Variants in ATIC observed in about 807,000 individuals in gnomAD.
ATIC encodes 5-aminoimidazole-4-carboxamide ribonucleotide formyltransferase/IMP cyclohydrolase, also known as bifunctional purine biosynthesis protein ATIC.
Under a neutral mutation model 72.5 loss-of-function variants are expected in ATIC, and 64 were observed. The ratio of observed to expected loss-of-function variants is 0.88; its 90% CI spans 0.72 to 1.09. ATIC has a LOEUF of 1.09. ATIC is among the 50% of genes least tolerant of loss of function. The pLI is 0.00. For missense variants in ATIC, 787 were observed against 732.4 expected, an observed-to-expected ratio of 1.07 and a Z score of -0.86; for synonymous variants, 281 against 267.1, an observed-to-expected ratio of 1.05 and a Z score of -0.51.
At position 215,326,878 on chromosome 2, in the gene ATIC, G is replaced by A. The variant is rs2052833661; in HGVS notation, c.588G>A (p.Gln196=). 6.2e-7 allele frequency: 1 copy of A among 1,614,022 alleles called. No individual in the cohort carries two copies. The change falls in exon 7 of 16, where the codon CAG becomes CAA. Residue 196 remains glutamine (Q), a synonymous_variant. Coordinates refer to ENST00000236959, the MANE Select transcript of ATIC (RefSeq NM_004044.7). ...CAATTTCAGATTATTTCAGGAAACA[G>A]TACAGCAAAGGCGTATCTCAGATGC... The part of the protein sequence containing the change: ...DEAISDYFRK[Q]YSKGVSQMPL...
intron 1 of ATIC, 79 bp from the exon 2 acceptor site, chr2:215,312,419 T>A (rs1575110845): frequency 6.2e-7 from 1 of 1,609,884 alleles, no homozygotes; most frequent in East Asian, 2.2e-5. Flanking sequence ...GAGAATCTCC[T>A]CCCCCAGACC....
In ATIC at chr2:215,336,082, A is replaced by G. The variant is rs1429025593; in HGVS notation, c.1056A>G (p.Thr352=). The G allele has an allele frequency of 1.9e-6, 3 of 1,613,266 alleles. No homozygotes were observed. The highest frequency in any genetic ancestry group is 1.6e-4 in the Middle Eastern group (1 of 6,082). The change falls in exon 11 of 16, where the codon ACA becomes ACG. Residue 352 remains threonine, a synonymous_variant. Transcript: ENST00000236959. ...CAGGATATGAAGAAGAAGCCTTGACAATACTTTCCAAAAAGAAAAATGGAA... is the reference window on the plus strand; with the variant it reads ...CAGGATATGAAGAAGAAGCCTTGACGATACTTTCCAAAAAGAAAAATGGAA... ...IAPGYEEEAL[T]ILSKKKNGNY...
chr2:215,313,939 T>G (rs1186804893), intron 2 of ATIC, among the ~76,000 whole-genome samples: 1 of 152,160 alleles, frequency 6.6e-6, no homozygotes. Context: ...CCAAGTTGGG[T>G]CCTCCTATGG....
chr2:215,349,867 T>A, downstream of ATIC: 1 of 842,278 alleles, frequency 1.2e-6, no homozygotes, highest in South Asian at 1.7e-5. Context: ...CACCCCTGCC[T>A]ACCGGAGCTC....
chr2:215,365,933 G>A, the ATIC span, among the ~76,000 whole-genome samples: 756 of 147,872 alleles, frequency 5.1e-3, 6 homozygotes, highest in African/African-American at 0.018. Flanking sequence ...AGCCTCCTGA[G>A]TAGCTGGGAT....
At chr2:215,335,136 G>T in intron 10 of ATIC, 132 bp downstream of exon 10, 1 of 470,276 alleles carries the variant, frequency 2.1e-6, no homozygotes, top group East Asian at 4.1e-5. Context: ...ATCATTTAAT[G>T]TTCATATTTT....
chr2:215,351,365 A>G (rs1244318218), downstream of ATIC, among the ~76,000 whole-genome samples: 2 of 152,234 alleles, frequency 1.3e-5, no homozygotes, highest in Non-Finnish European at 2.9e-5. Flanking sequence ...TGGGGTAATT[A>G]TGTAGCAGTA....
At chr2:215,314,307 A>G (rs369845374) in intron 2 of ATIC, among the ~76,000 whole-genome samples, 29 of 152,348 alleles carry the variant, frequency 1.9e-4, no homozygotes, top group African/African-American at 6.3e-4. Context: ...TTTTTTCTTC[A>G]ACAAAGGCCA....
the ATIC span, among the ~76,000 whole-genome samples, chr2:215,357,042 C>A: frequency 6.6e-6 from 1 of 152,180 alleles, no homozygotes; most frequent in Non-Finnish European, 1.5e-5. Context: ...TTTACATTTC[C>A]ACCAGCGATG....
chr2:215,367,252 TA>T, the ATIC span, among the ~76,000 whole-genome samples: 3 of 152,332 alleles, frequency 2.0e-5, 1 homozygote, highest in African/African-American at 7.2e-5. Flanking sequence ...CATTTTAACT[TA>T]AAAAATTTGA....
the ATIC span, among the ~76,000 whole-genome samples, chr2:215,356,937 C>T: frequency 1.3e-5 from 2 of 152,038 alleles, no homozygotes; most frequent in Middle Eastern, 3.2e-3. Flanking sequence ...TCTGTTCTCT[C>T]GAGTATATAT....
chr2:215,342,239 G>A (rs16853830), intron 12 of ATIC, among the ~76,000 whole-genome samples: 5,503 of 152,270 alleles, frequency 0.036, 319 homozygotes, highest in African/African-American at 0.12. Context: ...CTGGGAACCA[G>A]AGGAATCAGA....
intron 9 of ATIC, among the ~76,000 whole-genome samples, chr2:215,334,118 C>G (rs1321943396): frequency 6.7e-6 from 1 of 149,614 alleles, no homozygotes; most frequent in Non-Finnish European, 1.5e-5. Flanking sequence ...TGTAATTTTG[C>G]TAATTTAGGC....
At chr2:215,341,271 A>T (rs2053015873) in intron 12 of ATIC, among the ~76,000 whole-genome samples, 1 of 152,208 alleles carries the variant, frequency 6.6e-6, no homozygotes, top group Non-Finnish European at 1.5e-5. Context: ...TGGTTGGTTC[A>T]TGTACTTTGA....
At chr2:215,333,612 G>A (rs1330188875) in intron 9 of ATIC, among the ~76,000 whole-genome samples, 155 bp downstream of exon 9, 1 of 152,036 alleles carries the variant, frequency 6.6e-6, no homozygotes, top group Non-Finnish European at 1.5e-5. Flanking sequence ...TAAATATACA[G>A]TTATTCTATA....
the ATIC span, chr2:215,362,229 T>C: frequency 2.9e-6 from 2 of 683,508 alleles, no homozygotes; most frequent in Middle Eastern, 3.2e-4. Flanking sequence ...GATGATTTCA[T>C]GCATTTATAA....
At chr2:215,341,114 A>C (rs2053014221) in intron 12 of ATIC, among the ~76,000 whole-genome samples, 1 of 152,218 alleles carries the variant, frequency 6.6e-6, no homozygotes, top group South Asian at 2.1e-4. Flanking sequence ...CTGTCTGTTG[A>C]TAAGCATACG....
Position 215,333,432 on chromosome 2 carries a change from C to T in ATIC, c.897C>T (p.Ile299=). 6.2e-7 allele frequency: 1 copy of T among 1,614,088 alleles called. No individual in the cohort carries two copies. Among genetic ancestry groups the T allele is most frequent in the Non-Finnish European group, 8.5e-7 (1 of 1,179,996 alleles). The change falls in exon 9 of 16, where the codon ATC becomes ATT. Residue 299 remains isoleucine, a synonymous_variant. Coordinates refer to ENST00000236959, the MANE Select transcript of ATIC (RefSeq NM_004044.7). ...VYDLYKTLTP[I]SAAYARARGA... ...ATCTCTATAAAACCCTCACACCCAT[C>T]TCAGCGGCATATGCAAGAGCAAGAG...
In ATIC at chr2:215,315,150, A is replaced by G. The variant is rs115935465; in HGVS notation, c.146+2526A>G. Among the ~76,000 whole-genome samples, 824 of 152,316 alleles carry G rather than the reference A, an allele frequency of 5.4e-3. 4 individuals are homozygous for G. The highest frequency in any genetic ancestry group is 8.5e-3 in the Non-Finnish European group (578 of 68,028). ...CCACCCCCTAAGGATCTCCTGACCT[A>G]CTAATGGGCAAGGAGATGAGAGGAT... On this transcript the variant is annotated intron_variant, in intron 2 of 15. Coordinates refer to ENST00000236959, the MANE Select transcript of ATIC (RefSeq NM_004044.7).
Sources: allele counts gnomAD v4.1 joint callset (sites outside exome capture counted in the v4.1 genomes callset), GRCh38; gene constraint gnomAD v4.1.1; transcripts MANE v1.5; gene names NCBI Gene and HGNC (gene_info 2026-07-23, HGNC 2026-07-21).